Variants in TNFAIP8 observed in about 807,000 individuals in gnomAD.
TNFAIP8 encodes tumor necrosis factor alpha-induced protein 8.
A neutral mutation model predicts 13.3 loss-of-function variants in TNFAIP8; 7 were observed. The observed-to-expected ratio is 0.52, with a 90% CI of 0.30 to 0.99. The LOEUF is 0.99. TNFAIP8 is among the 50% of genes least tolerant of loss of function. The pLI, the probability that TNFAIP8 is intolerant of heterozygous loss-of-function variation, is 0.07. For missense variants in TNFAIP8, 258 were observed against 236.9 expected, an observed-to-expected ratio of 1.09 and a Z score of -0.58; for synonymous variants, 94 against 87.6, an observed-to-expected ratio of 1.07 and a Z score of -0.41.
chr5:119,393,616 T>A lies in TNFAIP8; in HGVS notation c.*235T>A. 2.0e-6 allele frequency: 1 copy of A among 490,800 alleles called. No individual in the cohort carries two copies. Among genetic ancestry groups the A allele is most frequent in the Non-Finnish European group, 3.6e-6 (1 of 274,352 alleles). 30.4% of individuals were successfully genotyped at this position (490,800 alleles called of 1,614,324 possible). A position where few individuals can be genotyped will look rare whatever the true frequency, so the allele number is the denominator to read the frequency against. ...CGGGTAACAGACCATGGGAGAGATATGTGGTTGGGTAATGCAAATGTAGTT... is the reference window on the plus strand; with the variant it reads ...CGGGTAACAGACCATGGGAGAGATAAGTGGTTGGGTAATGCAAATGTAGTT... On this transcript the variant is annotated 3_prime_UTR_variant, in exon 2 of 2. Coordinates refer to ENST00000504771, the MANE Select transcript of TNFAIP8 (RefSeq NM_014350.4).
chr5:119,269,838 A>T (rs1031011405), intron 1 of TNFAIP8, among the ~76,000 whole-genome samples: 1 of 152,178 alleles, frequency 6.6e-6, no homozygotes, highest in East Asian at 1.9e-4. Flanking sequence ...AATGCAGGAC[A>T]TATTTCTACA....
In TNFAIP8 at chr5:119,276,613, C is replaced by T. The variant is rs77075426; in HGVS notation, c.1+7706C>T. Among the ~76,000 whole-genome samples the T allele has an allele frequency of 4.3e-3, 659 of 152,334 alleles. 3 individuals carry two copies. Among genetic ancestry groups the T allele is most frequent in the Non-Finnish European group, 5.8e-3 (395 of 68,034 alleles). On this transcript the variant is annotated intron_variant, in intron 1 of 1. Coordinates refer to the TNFAIP8 transcript ENST00000274456. ...GGTTTGATTTCCCTGAGGCCTCCCT[C>T]CTTGCCTTTCAGATGGCCACATTTC...
At chr5:119,386,894 C>G (rs1309391952) in intron 1 of TNFAIP8, among the ~76,000 whole-genome samples, 1 of 152,130 alleles carries the variant, frequency 6.6e-6, no homozygotes, top group Admixed American at 6.5e-5. Context: ...CTGCCATGGT[C>G]GTTGCTTCTG....
intron 1 of TNFAIP8, among the ~76,000 whole-genome samples, chr5:119,272,671 C>T (rs1748324581): frequency 6.6e-6 from 1 of 152,158 alleles, no homozygotes; most frequent in Non-Finnish European, 1.5e-5. Flanking sequence ...CAGCAATAAT[C>T]AAATAATACC....
intron 1 of TNFAIP8, among the ~76,000 whole-genome samples, chr5:119,342,171 T>C (rs1750760008): frequency 6.6e-6 from 1 of 152,182 alleles, no homozygotes; most frequent in South Asian, 2.1e-4. Context: ...AAAATCAGAG[T>C]TTAACCCAAG....
At chr5:119,350,954 G>T (rs977726102) in intron 1 of TNFAIP8, among the ~76,000 whole-genome samples, 1 of 57,840 alleles carries the variant, frequency 1.7e-5, no homozygotes, top group Non-Finnish European at 4.6e-5. Context: ...ATGTGTATTT[G>T]TGTGTGTGTG....
chr5:119,357,030 C>T (rs2112776950), intron 1 of TNFAIP8, among the ~76,000 whole-genome samples: 1 of 152,272 alleles, frequency 6.6e-6, no homozygotes, highest in Middle Eastern at 3.4e-3. Context: ...TCAATCACAG[C>T]AGTTCTGGCA....
At chr5:119,377,113 A>G (rs985993493) in intron 1 of TNFAIP8, among the ~76,000 whole-genome samples, 12 of 152,182 alleles carry the variant, frequency 7.9e-5, no homozygotes, top group Non-Finnish European at 1.0e-4. Context: ...ATAAAAGTGT[A>G]TTGAATGAGG....
chr5:119,294,076 A>G (rs951932572), intron 1 of TNFAIP8, among the ~76,000 whole-genome samples: 1 of 151,868 alleles, frequency 6.6e-6, no homozygotes, highest in African/African-American at 2.4e-5. Context: ...TTTAAGTTTT[A>G]GGGTACATGT....
intron 1 of TNFAIP8, among the ~76,000 whole-genome samples, chr5:119,285,498 C>A (rs1748753699): frequency 6.6e-6 from 1 of 152,044 alleles, no homozygotes; most frequent in Admixed American, 6.6e-5. Context: ...CAGAGGCTTC[C>A]CAGGAGGCTC....
chr5:119,311,864 A>G (rs1209592143), intron 1 of TNFAIP8, among the ~76,000 whole-genome samples: 1 of 152,170 alleles, frequency 6.6e-6, no homozygotes, highest in Non-Finnish European at 1.5e-5. Flanking sequence ...TGTTAAGCAG[A>G]GGAATGAAAG....
At chr5:119,333,879 A>C (rs986234151) in intron 1 of TNFAIP8, among the ~76,000 whole-genome samples, 2 of 152,174 alleles carry the variant, frequency 1.3e-5, no homozygotes, top group African/African-American at 4.8e-5. Flanking sequence ...TAAAGTTTGC[A>C]TGTAGACAGT....
intron 1 of TNFAIP8, among the ~76,000 whole-genome samples, chr5:119,280,331 TAA>T (rs34695435): frequency 0.056 from 8,079 of 144,352 alleles, 708 homozygotes; most frequent in African/African-American, 0.18. Flanking sequence ...TCTTACCCAT[TAA>T]AAAAAAAAAA....
intron 1 of TNFAIP8, among the ~76,000 whole-genome samples, chr5:119,295,568 T>C (rs368544197): frequency 2.9e-4 from 44 of 152,042 alleles, no homozygotes; most frequent in Non-Finnish European, 5.3e-4. Flanking sequence ...TAGCGTGATG[T>C]CTCCAGCTTT....
At chr5:119,325,549 G>A (rs1366920383) in intron 1 of TNFAIP8, among the ~76,000 whole-genome samples, 1 of 152,218 alleles carries the variant, frequency 6.6e-6, no homozygotes, top group African/African-American at 2.4e-5. Flanking sequence ...CCGGGCTCAC[G>A]CCATTCTCCT....
rs760411484 is a variant in TNFAIP8 at position 119,278,376 on chromosome 5, A to AGAGTGT, written c.1+9470_1+9471insAGTGTG. ...GGGAGAGAGAGAGAGAGAGAGAGAGAGTGTGTGTGTGTGTGTGTGTGTGTG... is the reference window on the plus strand; with the variant it reads ...GGGAGAGAGAGAGAGAGAGAGAGAGAGAGTGTGTGTGTGTGTGTGTGTGTGTGTGTG... On this transcript the variant is annotated intron_variant, in intron 1 of 1. Transcript: ENST00000274456. Among the ~76,000 whole-genome samples the AGAGTGT allele has an allele frequency of 1.3e-4, 14 of 108,238 alleles. No homozygotes were observed. The East Asian group carries it at 1.7e-3, about 13-fold the overall frequency. 71.0% of individuals were successfully genotyped at this position (108,238 alleles called of 152,430 possible).
rs1003504896 is a variant in TNFAIP8, at chr5:119,299,705, C to A, written c.1+30798C>A. On this transcript the variant is annotated intron_variant, in intron 1 of 1. Transcript: ENST00000274456. The stretch of plus-strand genomic sequence containing the variant: ...GTCTTTTTGTTTGTTGTGCCCTGCC[C>A]CCAGAGGTGGAGTCTACAGAGGCAG... Among the ~76,000 whole-genome samples the A allele has an allele frequency of 5.9e-5, 9 of 152,304 alleles. 1 individual carries two copies. In the East Asian group the frequency reaches 1.7e-3, roughly 29 times the overall value.
intron 1 of TNFAIP8, among the ~76,000 whole-genome samples, chr5:119,313,876 C>G (rs994120699): frequency 1.3e-5 from 2 of 152,224 alleles, no homozygotes; most frequent in Non-Finnish European, 2.9e-5. Context: ...ATGCTGCTGA[C>G]CAATTCATTT....
chr5:119,324,907 A>T (rs917175440), intron 1 of TNFAIP8, among the ~76,000 whole-genome samples: 1 of 151,994 alleles, frequency 6.6e-6, no homozygotes, highest in African/African-American at 2.4e-5. Flanking sequence ...AAGAGTTCTC[A>T]TGTTATTAAT....
Sources: gnomAD v4.1 joint callset for allele counts (sites outside exome capture counted in the v4.1 genomes callset) on GRCh38, gnomAD v4.1.1 for gene constraint, MANE v1.5 for transcripts, NCBI Gene and HGNC (gene_info 2026-07-23, HGNC 2026-07-21) for gene names.